The following RELN variants were observed in gnomAD, a reference collection of about 807,000 sequenced individuals.
RELN encodes reelin.
A neutral mutation model predicts 427.6 loss-of-function variants in RELN; 108 were observed. The observed-to-expected ratio is 0.25, with a 90% CI of 0.22 to 0.30. The LOEUF is 0.30. Ranked by LOEUF, RELN falls within the 10% of genes least tolerant of loss-of-function variation. RELN has a pLI of 1.00. For synonymous variants in RELN, 1,524 were observed against 1,513.4 expected, an observed-to-expected ratio of 1.01 and a Z score of -0.16; for missense variants, 3,715 against 4,302.8, an observed-to-expected ratio of 0.86 and a Z score of 3.82.
intron 8 of RELN, among the ~76,000 whole-genome samples, chr7:103,711,571 A>G (rs1339708336): frequency 6.6e-6 from 1 of 152,234 alleles, no homozygotes; most frequent in Non-Finnish European, 1.5e-5. Context: ...GGTTTGACTC[A>G]ATTAAAATAT....
chr7:103,879,816 T>G (rs752089352), intron 2 of RELN, among the ~76,000 whole-genome samples: 24 of 152,226 alleles, frequency 1.6e-4, no homozygotes, highest in Non-Finnish European at 2.8e-4. Flanking sequence ...TTTTTTAATA[T>G]GTGACAACTA....
intron 1 of RELN, among the ~76,000 whole-genome samples, chr7:103,936,751 C>G (rs62487053): frequency 7.9e-4 from 69 of 87,020 alleles, no homozygotes; most frequent in African/African-American, 1.6e-3. Flanking sequence ...CAGACACACA[C>G]ACACACACAC....
chr7:103,804,158 T>C (rs549979296), intron 3 of RELN, among the ~76,000 whole-genome samples: 2 of 152,270 alleles, frequency 1.3e-5, no homozygotes, highest in African/African-American at 2.4e-5. Context: ...ATCTTTAATC[T>C]TTCTATCTTG....
At chr7:103,490,539 A>AAGATGGG (rs1828614836) in intron 59 of RELN, 129 bp downstream of exon 59, 1 of 972,626 alleles carries the variant, frequency 1.0e-6, no homozygotes, top group Non-Finnish European at 1.6e-6. Context: ...AAAAGGAGGG[A>AAGATGGG]AGATGGGAGA....
chr7:103,894,500 A>G (rs1794917350), intron 2 of RELN, among the ~76,000 whole-genome samples: 1 of 152,132 alleles, frequency 6.6e-6, no homozygotes, highest in Non-Finnish European at 1.5e-5. Flanking sequence ...AAAGCATGCT[A>G]TTTTTTACTA....
At chr7:103,836,654 C>T (rs1793416920) in intron 2 of RELN, among the ~76,000 whole-genome samples, 1 of 152,134 alleles carries the variant, frequency 6.6e-6, no homozygotes, top group Non-Finnish European at 1.5e-5. Context: ...TACCCTCTAC[C>T]TAAAATGCTC....
intron 53 of RELN, 103 bp downstream of exon 53, chr7:103,500,642 G>T (rs376638963): frequency 5.2e-6 from 6 of 1,143,510 alleles, no homozygotes; most frequent in South Asian, 2.8e-5. Context: ...CTTTCCTGGG[G>T]GACCCAAAGG....
chr7:103,974,973 T>C (rs545872879), intron 1 of RELN, among the ~76,000 whole-genome samples: 178 of 152,360 alleles, frequency 1.2e-3, no homozygotes, highest in African/African-American at 4.1e-3. Context: ...ATTTTGGATA[T>C]GCTAACATAT....
At chr7:103,604,050 C>A (rs1183335147) in intron 23 of RELN, among the ~76,000 whole-genome samples, 1 of 152,090 alleles carries the variant, frequency 6.6e-6, no homozygotes, top group Non-Finnish European at 1.5e-5. Context: ...CTCTAAGATT[C>A]TCAGTGGATG....
chr7:103,917,477 G>C (rs1795510823), intron 1 of RELN, among the ~76,000 whole-genome samples: 1 of 151,340 alleles, frequency 6.6e-6, no homozygotes, highest in South Asian at 2.1e-4. Flanking sequence ...TTGAATAGAT[G>C]GTTTCCCCAC....
intron 64 of RELN, 194 bp from the exon 65 acceptor site, chr7:103,473,102 C>T (rs1309762320): frequency 1.4e-6 from 1 of 693,680 alleles, no homozygotes; most frequent in Non-Finnish European, 2.7e-6. Flanking sequence ...TACTCACTGC[C>T]TTTGGCCTTG....
intron 4 of RELN, among the ~76,000 whole-genome samples, chr7:103,754,032 T>C (rs111891400): frequency 2.0e-5 from 3 of 152,314 alleles, no homozygotes; most frequent in Middle Eastern, 3.4e-3. Flanking sequence ...ATTCAGTTAC[T>C]GGAAGATCTT....
rs576852714 is a variant in RELN at position 103,650,267 on chromosome 7, C to T, written c.2002+7G>A. On this transcript the variant is annotated splice_region_variant and intron_variant, in intron 16 of 64. Transcript: ENST00000428762. ...GGCATGTGATTATGACAGGCATAAA[C>T]ACTAACCATTATCAATTGCCCACAT... is the stretch of plus-strand genomic sequence containing the variant. The T allele has an allele frequency of 2.0e-6, 3 of 1,530,772 alleles. No homozygotes were observed. The highest frequency in any genetic ancestry group is 2.7e-5 in the African/African-American group (2 of 73,288). 94.8% of individuals were successfully genotyped at this position (1,530,772 alleles called of 1,614,324 possible).
At chr7:103,887,907 C>T (rs1584334371) in intron 2 of RELN, among the ~76,000 whole-genome samples, 1 of 152,234 alleles carries the variant, frequency 6.6e-6, no homozygotes, top group East Asian at 1.9e-4. Context: ...TCATTACATA[C>T]AGCCATAAAA....
At chr7:103,869,118 T>A (rs544723060) in intron 2 of RELN, among the ~76,000 whole-genome samples, 2 of 152,080 alleles carry the variant, frequency 1.3e-5, no homozygotes, top group East Asian at 3.9e-4. Flanking sequence ...CAAGTGGTAA[T>A]CTTACAAATT....
intron 11 of RELN, among the ~76,000 whole-genome samples, chr7:103,675,078 GA>G (rs1468694363): frequency 6.6e-6 from 1 of 152,146 alleles, no homozygotes; most frequent in Non-Finnish European, 1.5e-5. Flanking sequence ...ATTCAACTAG[GA>G]AAAGCTGAAG....
chr7:103,892,005 T>C (rs28708679), intron 2 of RELN, among the ~76,000 whole-genome samples: 40,510 of 152,074 alleles, frequency 0.27, 6,062 homozygotes, highest in African/African-American at 0.4. Context: ...GAATTATTGC[T>C]GGGAAGCAAC....
At chr7:103,927,394 T>A (rs536347749) in intron 1 of RELN, among the ~76,000 whole-genome samples, 15 of 152,288 alleles carry the variant, frequency 9.8e-5, no homozygotes, top group African/African-American at 3.4e-4. Context: ...ACAAAATAAA[T>A]GTTAAATTCA....
intron 1 of RELN, among the ~76,000 whole-genome samples, chr7:103,958,057 G>A (rs933771195): frequency 3.3e-5 from 5 of 152,102 alleles, no homozygotes; most frequent in Non-Finnish European, 7.3e-5. Context: ...CTGCACCTCA[G>A]CCCTGAGCTA....
Sources: allele counts gnomAD v4.1 joint callset (sites outside exome capture counted in the v4.1 genomes callset), GRCh38; gene constraint gnomAD v4.1.1; transcripts MANE v1.5; gene names NCBI Gene and HGNC (gene_info 2026-07-23, HGNC 2026-07-21).